The following SASH1 variants were observed in gnomAD, a reference collection of about 807,000 sequenced individuals.
SASH1 encodes SAM and SH3 domain-containing protein 1.
SASH1 carries 44 observed loss-of-function variants against 125.2 expected under a neutral mutation model. The observed-to-expected ratio is 0.35, with a 90% CI of 0.28 to 0.45. The LOEUF (loss-of-function observed/expected upper bound fraction) is 0.45. SASH1 is among the 20% of genes least tolerant of loss of function. The pLI is 1.00. For synonymous variants in SASH1, 639 were observed against 649.1 expected (o/e 0.98, Z 0.24); for missense variants, 1,426 against 1,614.5 (o/e 0.88, Z 2.00).
intron 8 of SASH1, among the ~76,000 whole-genome samples, chr6:148,490,217 CTT>C (rs200061390): frequency 6.8e-6 from 1 of 147,082 alleles, no homozygotes; most frequent in Admixed American, 6.9e-5. Context: ...TTCATATAGG[CTT>C]TTTTTTTTGA....
chr6:148,359,326 T>TAAAAAAAAAA (rs1782095468), intron 1 of SASH1, among the ~76,000 whole-genome samples: 1 of 25,290 alleles, frequency 4.0e-5, no homozygotes, highest in African/African-American at 1.7e-4. Flanking sequence ...GCTTGGCCGG[T>TAAAAAAAAAA]TTTTTTTTTT....
chr6:148,337,241 T>TTTTTTA (rs1185488752), intron 1 of SASH1, among the ~76,000 whole-genome samples: 2 of 150,672 alleles, frequency 1.3e-5, no homozygotes, highest in African/African-American at 2.4e-5. Context: ...TTTTTTTTTT[T>TTTTTTA]GAGATGGAGT....
intron 5 of SASH1, chr6:148,468,857 T>C: frequency 3.3e-6 from 1 of 302,990 alleles, no homozygotes; most frequent in Non-Finnish European, 6.0e-6. Context: ...TACAGAAAAA[T>C]TAGAAGCAAC....
chr6:148,530,300 G>A (rs917181078), intron 12 of SASH1, among the ~76,000 whole-genome samples: 1 of 151,958 alleles, frequency 6.6e-6, no homozygotes. Context: ...ATTTACTATT[G>A]CTGTTTTTCA....
the SASH1 span, among the ~76,000 whole-genome samples, chr6:148,233,821 G>A: frequency 6.3e-4 from 94 of 148,678 alleles, no homozygotes; most frequent in African/African-American, 2.1e-3. Flanking sequence ...GCTGAGATGA[G>A]AGGATCTCTT....
At chr6:148,265,351 G>C in the SASH1 span, among the ~76,000 whole-genome samples, 1 of 148,590 alleles carries the variant, frequency 6.7e-6, no homozygotes, top group African/African-American at 2.5e-5. Flanking sequence ...GAAGGAGGGA[G>C]GGAAGGAGGG....
intron 1 of SASH1, among the ~76,000 whole-genome samples, chr6:148,362,129 G>GT (rs1562351855): frequency 7.3e-5 from 11 of 151,212 alleles, no homozygotes; most frequent in South Asian, 2.1e-4. Context: ...GGGTTTCTCC[G>GT]TGTTAGCCAG....
intron 4 of SASH1, among the ~76,000 whole-genome samples, chr6:148,463,612 A>G (rs748932219): frequency 6.6e-6 from 1 of 152,150 alleles, no homozygotes; most frequent in African/African-American, 2.4e-5. Context: ...CTCAGTCTTC[A>G]TAATGTTTCT....
intron 1 of SASH1, among the ~76,000 whole-genome samples, chr6:148,273,044 G>C (rs1192867765): frequency 6.6e-6 from 1 of 152,066 alleles, no homozygotes; most frequent in Non-Finnish European, 1.5e-5. Context: ...AAGGTTCCTT[G>C]AGCCCAGGAA....
intron 4 of SASH1, among the ~76,000 whole-genome samples, chr6:148,464,329 A>T (rs1777743026): frequency 6.6e-6 from 1 of 152,200 alleles, no homozygotes; most frequent in Non-Finnish European, 1.5e-5. Context: ...ATGATAATTA[A>T]ATGTTTAAAT....
intron 2 of SASH1, among the ~76,000 whole-genome samples, chr6:148,403,706 A>G (rs1562383991): frequency 6.6e-6 from 1 of 151,754 alleles, no homozygotes; most frequent in Non-Finnish European, 1.5e-5. Flanking sequence ...TGATTTTTGT[A>G]TTTTTAGTAG....
At chr6:148,319,703 A>G (rs1780590056) in intron 1 of SASH1, among the ~76,000 whole-genome samples, 1 of 151,958 alleles carries the variant, frequency 6.6e-6, no homozygotes, top group East Asian at 1.9e-4. Context: ...TGGTAGACAC[A>G]GGGTTTCTCC....
chr6:148,368,985 G>T (rs1395717085), intron 1 of SASH1, among the ~76,000 whole-genome samples: 3 of 152,232 alleles, frequency 2.0e-5, no homozygotes, highest in Admixed American at 6.5e-5. Context: ...GGAAGATACG[G>T]ATCCATTCAC....
intron 9 of SASH1, among the ~76,000 whole-genome samples, chr6:148,515,507 T>C (rs984797196): frequency 6.6e-6 from 1 of 152,210 alleles, no homozygotes; most frequent in African/African-American, 2.4e-5. Flanking sequence ...ATACCGAAGC[T>C]AAGTGGGTAA....
chr6:148,321,689 C>T (rs1780637321), intron 1 of SASH1, among the ~76,000 whole-genome samples: 1 of 152,150 alleles, frequency 6.6e-6, no homozygotes, highest in Non-Finnish European at 1.5e-5. Flanking sequence ...TTCACATTCC[C>T]AATGCTTAGC....
chr6:148,547,748 TTA>T (rs1241278142), intron 19 of SASH1, among the ~76,000 whole-genome samples: 3 of 152,204 alleles, frequency 2.0e-5, no homozygotes, highest in Admixed American at 1.3e-4. Flanking sequence ...TGCAGGCCCT[TTA>T]TATACCCAGT....
Position 148,275,715 on chromosome 6 carries a change from T to C in SASH1, n.74+3338T>C, listed in dbSNP as rs202188295. 5.9e-5 allele frequency among the ~76,000 whole-genome samples: 9 copies of C among 152,216 alleles called. No homozygotes were observed. In the East Asian group the frequency reaches 1.7e-3, roughly 29 times the overall value. ...AAGTACCGCTATGTATTTACATTAA[T>C]CACATTATATTGCAATTATTTTGGG... On this transcript the variant is annotated intron_variant and non_coding_transcript_variant, in intron 1 of 3. Transcript: ENST00000367469.
intron 1 of SASH1, among the ~76,000 whole-genome samples, chr6:148,343,645 C>T (rs1781419752): frequency 6.6e-6 from 1 of 152,202 alleles, no homozygotes; most frequent in Admixed American, 6.5e-5. Flanking sequence ...TTTCCTTACT[C>T]AGAACTGCCA....
At chr6:148,440,123 T>TA in intron 2 of SASH1, 61 bp from the exon 3 acceptor site, 1 of 1,504,734 alleles carries the variant, frequency 6.6e-7, no homozygotes, top group Non-Finnish European at 9.3e-7. Flanking sequence ...CATGTCTATT[T>TA]GTCTTTCTCG....
Sources: allele counts gnomAD v4.1 joint callset (sites outside exome capture counted in the v4.1 genomes callset), GRCh38; gene constraint gnomAD v4.1.1; transcripts MANE v1.5; gene names NCBI Gene and HGNC (gene_info 2026-07-23, HGNC 2026-07-21).